IRAK2: variants seen among roughly 807,000 people sequenced by gnomAD.
IRAK2 encodes interleukin 1 receptor associated kinase 2, also known as interleukin-1 receptor-associated kinase-like 2.
In IRAK2, 57 loss-of-function variants were observed where a neutral mutation model predicts 72.0. The ratio of observed to expected loss-of-function variants is 0.79; its 90% CI spans 0.64 to 0.99. IRAK2 has a LOEUF of 0.99. Ranked by LOEUF, IRAK2 falls within the 50% of genes least tolerant of loss-of-function variation. The pLI is 0.00. For missense variants in IRAK2, 790 were observed against 794.4 expected, an observed-to-expected ratio of 0.99 and a Z score of 0.07; for synonymous variants, 293 against 312.7, an observed-to-expected ratio of 0.94 and a Z score of 0.67.
rs995481627 is a variant in IRAK2, at chr3:10,211,222, AC to A, written c.528+1532del. Among the ~76,000 whole-genome samples the A allele has an allele frequency of 2.0e-5, 3 of 150,112 alleles. No homozygotes were observed. The Admixed American group carries it at 2.0e-4, about 10-fold the overall frequency. ...GCCCAGGCTGTCTCGACTCACTGAA[AC>A]CTCTGGTTCCCCAGTTTAAGCGATT... On this transcript the variant is annotated intron_variant, in intron 4 of 12. Coordinates refer to ENST00000256458, the MANE Select transcript of IRAK2 (RefSeq NM_001570.4).
At chr3:10,211,153 G>A (rs1009621583) in intron 4 of IRAK2, among the ~76,000 whole-genome samples, 6 of 151,728 alleles carry the variant, frequency 4.0e-5, no homozygotes, top group Non-Finnish European at 7.4e-5. Context: ...ATGAGCCACC[G>A]TGCCTGGCCA....
intron 1 of IRAK2, among the ~76,000 whole-genome samples, chr3:10,174,932 CA>C (rs771089899): frequency 2.9e-4 from 41 of 143,194 alleles, no homozygotes; most frequent in Admixed American, 4.8e-4. Flanking sequence ...ATGCCTGTAC[CA>C]AAAAAAAAAA....
chr3:10,193,870 A>G (rs949170616), intron 2 of IRAK2, among the ~76,000 whole-genome samples: 1 of 152,170 alleles, frequency 6.6e-6, no homozygotes, highest in Admixed American at 6.5e-5. Flanking sequence ...CTTTGCTCTC[A>G]TGGCCACTGT....
At chr3:10,167,804 C>T (rs1413707679) in intron 1 of IRAK2, among the ~76,000 whole-genome samples, 1 of 152,130 alleles carries the variant, frequency 6.6e-6, no homozygotes, top group African/African-American at 2.4e-5. Flanking sequence ...GTTCTTTTCA[C>T]TTTTGGGCCA....
intron 3 of IRAK2, among the ~76,000 whole-genome samples, chr3:10,200,916 C>A (rs1217320071): frequency 6.6e-6 from 1 of 152,120 alleles, no homozygotes. Flanking sequence ...AGCAAAAAAT[C>A]TGGCAACAAC....
chr3:10,168,658 T>C (rs1475533647), intron 1 of IRAK2, among the ~76,000 whole-genome samples: 2 of 152,210 alleles, frequency 1.3e-5, no homozygotes, highest in African/African-American at 4.8e-5. Context: ...GGAGAATACC[T>C]CTGCGAGGCT....
intron 3 of IRAK2, among the ~76,000 whole-genome samples, chr3:10,202,683 T>G (rs1312789294): frequency 7.3e-6 from 1 of 137,564 alleles, no homozygotes; most frequent in East Asian, 2.0e-4. Context: ...CTGTTTACTT[T>G]CTTTCCTTTT....
At chr3:10,198,166 T>C (rs1220403047) in intron 2 of IRAK2, among the ~76,000 whole-genome samples, 2 of 152,052 alleles carry the variant, frequency 1.3e-5, no homozygotes. Context: ...ACCACTGCAC[T>C]CCAGCCTGGG....
chr3:10,234,866 G>A (rs964296977), intron 11 of IRAK2, among the ~76,000 whole-genome samples: 10 of 152,230 alleles, frequency 6.6e-5, no homozygotes, highest in African/African-American at 2.4e-4. Flanking sequence ...GCCTCAGGGC[G>A]CAGGACCAAA....
At chr3:10,169,171 C>T (rs986845990) in intron 1 of IRAK2, among the ~76,000 whole-genome samples, 4 of 152,124 alleles carry the variant, frequency 2.6e-5, no homozygotes, top group Non-Finnish European at 4.4e-5. Flanking sequence ...AGATCACATT[C>T]TTCAAAGGGC....
chr3:10,182,730 T>G (rs769158725), intron 2 of IRAK2, among the ~76,000 whole-genome samples: 1 of 151,268 alleles, frequency 6.6e-6, no homozygotes, highest in Non-Finnish European at 1.5e-5. Flanking sequence ...TTAATTTTAA[T>G]TTTTTGTTAT....
intron 2 of IRAK2, among the ~76,000 whole-genome samples, chr3:10,197,072 A>T (rs373953958): frequency 6.6e-6 from 1 of 152,008 alleles, no homozygotes; most frequent in African/African-American, 2.4e-5. Flanking sequence ...AATCACAAAG[A>T]AAAAAACCCC....
intron 10 of IRAK2, among the ~76,000 whole-genome samples, chr3:10,232,084 G>A (rs1048054396): frequency 1.3e-5 from 2 of 152,166 alleles, no homozygotes; most frequent in African/African-American, 2.4e-5. Flanking sequence ...CCGAGATCGT[G>A]CCACTGCACT....
In IRAK2 at chr3:10,187,521, C is replaced by G. The variant is rs1030771061; in HGVS notation, c.277+9501C>G. 2.6e-5 allele frequency among the ~76,000 whole-genome samples: 4 copies of G among 152,286 alleles called. No individual in the cohort carries two copies. In the East Asian group the frequency reaches 7.7e-4, roughly 29 times the overall value. On this transcript the variant is annotated intron_variant, in intron 2 of 12. Coordinates refer to ENST00000256458, the MANE Select transcript of IRAK2 (RefSeq NM_001570.4). ...AGATCATGGTCTAGAGTAGCATTTC[C>G]CACACCATGTGCCTCAGAAGACTGG...
chr3:10,234,550 G>C lies in IRAK2; in HGVS notation c.1364G>C (p.Cys455Ser), dbSNP rs747867666. The C allele has an allele frequency of 1.2e-6, 2 of 1,614,016 alleles. No homozygotes were observed. Among genetic ancestry groups the C allele is most frequent in the Non-Finnish European group, 1.7e-6 (2 of 1,180,034 alleles). Reference protein sequence around the residue: ...GVENVMAKEICQKYLEKGAGR... With the variant: ...GVENVMAKEISQKYLEKGAGR... The stretch of plus-strand genomic sequence containing the variant: ...GAGAACGTGATGGCAAAGGAGATCT[G>C]CCAGAAGTACCTGGAGAAGGGCGCA... Residue 455 changes from cysteine to serine, a missense_variant, in exon 11 of 13, where the codon TGC becomes TCC. By Grantham distance (112) the Cys-to-Ser change is moderately radical. Coordinates refer to ENST00000256458, the MANE Select transcript of IRAK2 (RefSeq NM_001570.4).
intron 9 of IRAK2, 150 bp from the exon 10 acceptor site, chr3:10,226,221 T>G (rs1231359608): frequency 1.8e-6 from 1 of 565,290 alleles, no homozygotes; most frequent in African/African-American, 1.9e-5. Context: ...TTTAGTGATA[T>G]TCCCATGTTC....
At chr3:10,170,549 C>A (rs9866544) in intron 1 of IRAK2, among the ~76,000 whole-genome samples, 1 of 152,186 alleles carries the variant, frequency 6.6e-6, no homozygotes, top group Non-Finnish European at 1.5e-5. Flanking sequence ...TCCCTCATTC[C>A]GCTTCACAGC....
chr3:10,198,325 C>T (rs1237982529), intron 2 of IRAK2, among the ~76,000 whole-genome samples: 1 of 152,212 alleles, frequency 6.6e-6, no homozygotes, highest in Non-Finnish European at 1.5e-5. Context: ...TTGTGCATTC[C>T]CGATGTCTCC....
chr3:10,228,367 C>T (rs868462660), intron 10 of IRAK2, among the ~76,000 whole-genome samples: 19 of 152,110 alleles, frequency 1.2e-4, no homozygotes, highest in African/African-American at 4.6e-4. Context: ...GTGAGTTCCA[C>T]CCCTTTTGGG....
Sources: allele counts gnomAD v4.1 joint callset (sites outside exome capture counted in the v4.1 genomes callset), GRCh38; gene constraint gnomAD v4.1.1; transcripts MANE v1.5; gene names NCBI Gene and HGNC (gene_info 2026-07-23, HGNC 2026-07-21).